LYPD6: variants seen among roughly 807,000 people sequenced by gnomAD.
LYPD6 encodes ly6/PLAUR domain-containing protein 6.
Under a neutral mutation model 22.7 loss-of-function variants are expected in LYPD6, and 15 were observed. The observed-to-expected ratio is 0.66, with a 90% CI of 0.44 to 1.02. The LOEUF (loss-of-function observed/expected upper bound fraction) is 1.02, where lower values mean the gene tolerates loss of function less well. Among genes scored for constraint, LYPD6 ranks in the 50% least tolerant of loss-of-function variants. The pLI, the probability that LYPD6 is intolerant of heterozygous loss-of-function variation, is 0.00. For synonymous variants in LYPD6, 72 were observed against 77.5 expected (o/e 0.93, Z 0.37); for missense variants, 189 against 208.4 (o/e 0.91, Z 0.57).
intron 1 of LYPD6, among the ~76,000 whole-genome samples, chr2:149,390,830 A>G (rs750818088): frequency 1.3e-5 from 2 of 152,242 alleles, no homozygotes; most frequent in South Asian, 4.1e-4. Context: ...TATAGATATA[A>G]TTGGGTTCTT....
At chr2:149,354,408 A>G (rs897313896) in intron 1 of LYPD6, among the ~76,000 whole-genome samples, 1 of 152,082 alleles carries the variant, frequency 6.6e-6, no homozygotes, top group Non-Finnish European at 1.5e-5. Flanking sequence ...GGGTTTTACC[A>G]TGTTGGCCAG....
intron 1 of LYPD6, among the ~76,000 whole-genome samples, chr2:149,377,227 C>A (rs13027838): frequency 6.7e-6 from 1 of 148,482 alleles, no homozygotes; most frequent in Non-Finnish European, 1.5e-5. Context: ...TGGAAACATG[C>A]GGAGTGATGT....
chr2:149,376,564 G>T (rs1681926738), intron 1 of LYPD6, among the ~76,000 whole-genome samples: 1 of 152,164 alleles, frequency 6.6e-6, no homozygotes, highest in African/African-American at 2.4e-5. Context: ...TCATAGGGTT[G>T]TTGTGAGAAT....
intron 1 of LYPD6, among the ~76,000 whole-genome samples, chr2:149,399,473 G>A (rs1682503930): frequency 6.6e-6 from 1 of 151,822 alleles, no homozygotes; most frequent in African/African-American, 2.4e-5. Context: ...TAATCCTATG[G>A]ATTTCACTTT....
the LYPD6 span, among the ~76,000 whole-genome samples, chr2:149,484,373 G>A: frequency 6.6e-6 from 1 of 152,150 alleles, no homozygotes; most frequent in African/African-American, 2.4e-5. Flanking sequence ...TTTTACACAG[G>A]AATTGTCATG....
At chr2:149,452,347 T>G (rs1347483642) in intron 3 of LYPD6, among the ~76,000 whole-genome samples, 1 of 152,208 alleles carries the variant, frequency 6.6e-6, no homozygotes, top group African/African-American at 2.4e-5. Context: ...AGTCTTCTGC[T>G]CTTTCCTCCA....
At chr2:149,342,076 G>A (rs1443718963) in intron 1 of LYPD6, among the ~76,000 whole-genome samples, 2 of 152,116 alleles carry the variant, frequency 1.3e-5, no homozygotes, top group Non-Finnish European at 2.9e-5. Flanking sequence ...CTGCTGCTGT[G>A]TCCTTATAAT....
At chr2:149,446,171 G>C (rs1683682777) in intron 2 of LYPD6, among the ~76,000 whole-genome samples, 1 of 152,188 alleles carries the variant, frequency 6.6e-6, no homozygotes, top group Admixed American at 6.5e-5. Flanking sequence ...ACCATTTTAT[G>C]TGGGTGCAGT....
chr2:149,399,526 T>G (rs1682505106), intron 1 of LYPD6, among the ~76,000 whole-genome samples: 1 of 152,006 alleles, frequency 6.6e-6, no homozygotes, highest in Admixed American at 6.6e-5. Context: ...TCTCTAGCTT[T>G]CATTAGACTG....
intron 1 of LYPD6, among the ~76,000 whole-genome samples, chr2:149,359,245 C>T (rs762591454): frequency 6.6e-6 from 1 of 152,134 alleles, no homozygotes; most frequent in Non-Finnish European, 1.5e-5. Flanking sequence ...TGACTCAGAG[C>T]TTTTCTGAGA....
intron 1 of LYPD6, among the ~76,000 whole-genome samples, chr2:149,335,220 G>A (rs554231301): frequency 6.6e-6 from 1 of 152,162 alleles, no homozygotes; most frequent in South Asian, 2.1e-4. Flanking sequence ...TATCATAGGA[G>A]ATGTCAGCTC....
At chr2:149,420,801 C>T (rs1179477948) in intron 1 of LYPD6, among the ~76,000 whole-genome samples, 1 of 152,170 alleles carries the variant, frequency 6.6e-6, no homozygotes, top group Admixed American at 6.5e-5. Context: ...CTAAGAGCCC[C>T]TTAACTGAGC....
intron 1 of LYPD6, among the ~76,000 whole-genome samples, chr2:149,407,245 C>T (rs541454532): frequency 2.0e-5 from 3 of 152,206 alleles, no homozygotes; most frequent in East Asian, 1.9e-4. Context: ...ATCTTTGTGG[C>T]GTTCTCTGTA....
At chr2:149,406,224 G>A (rs1348923384) in intron 1 of LYPD6, among the ~76,000 whole-genome samples, 5 of 151,904 alleles carry the variant, frequency 3.3e-5, no homozygotes, top group African/African-American at 1.2e-4. Context: ...ATTTGGGGTG[G>A]AGAGTTCTGT....
At chr2:149,441,504 C>T (rs912847246) in intron 2 of LYPD6, among the ~76,000 whole-genome samples, 1 of 152,174 alleles carries the variant, frequency 6.6e-6, no homozygotes, top group South Asian at 2.1e-4. Context: ...TCTCATGACT[C>T]ATCTTTTTTG....
At chr2:149,437,953 G>GT (rs1480031888) in intron 2 of LYPD6, 127 bp downstream of exon 2, 1 of 1,047,506 alleles carries the variant, frequency 9.5e-7, no homozygotes, top group East Asian at 2.5e-5. Flanking sequence ...GGGTGGTGCG[G>GT]TAATTTACAA....
intron 2 of LYPD6, among the ~76,000 whole-genome samples, chr2:149,448,320 A>G (rs1683731762): frequency 6.6e-6 from 1 of 152,084 alleles, no homozygotes; most frequent in Non-Finnish European, 1.5e-5. Flanking sequence ...GAAAAGAAAA[A>G]CTATAGCATA....
At chr2:149,376,916 C>G (rs538521003) in intron 1 of LYPD6, among the ~76,000 whole-genome samples, 1 of 152,368 alleles carries the variant, frequency 6.6e-6, no homozygotes, top group Admixed American at 6.5e-5. Flanking sequence ...CTCCCATGTT[C>G]TTTTCTCCTG....
intron 1 of LYPD6, among the ~76,000 whole-genome samples, chr2:149,353,410 T>C (rs1681394310): frequency 1.3e-5 from 2 of 152,176 alleles, no homozygotes; most frequent in African/African-American, 2.4e-5. Flanking sequence ...GCCTTTTTAA[T>C]TGATTAGCCT....
Sources: gnomAD v4.1 joint callset for allele counts (sites outside exome capture counted in the v4.1 genomes callset) on GRCh38, gnomAD v4.1.1 for gene constraint, MANE v1.5 for transcripts, NCBI Gene and HGNC (gene_info 2026-07-23, HGNC 2026-07-21) for gene names.